Variants in CPE observed in about 807,000 individuals in gnomAD.
CPE encodes carbocypeptidase E.
A neutral mutation model predicts 53.5 loss-of-function variants in CPE; 17 were observed. The observed-to-expected ratio is 0.32, with a 90% confidence interval of 0.22 to 0.48. The LOEUF (loss-of-function observed/expected upper bound fraction) is 0.48, where lower values mean the gene tolerates loss of function less well. Among genes scored for constraint, CPE ranks in the 20% least tolerant of loss-of-function variants. The pLI, the probability that CPE is intolerant of heterozygous loss-of-function variation, is 0.99. For missense variants in CPE, 524 were observed against 614.7 expected (o/e 0.85, Z 1.56); for synonymous variants, 226 against 228.8 (o/e 0.99, Z 0.11).
At chr4:165,425,769 A>G (rs1430040413) in intron 1 of CPE, among the ~76,000 whole-genome samples, 2 of 152,092 alleles carry the variant, frequency 1.3e-5, no homozygotes, top group African/African-American at 4.8e-5. Flanking sequence ...GTCTGGAGAC[A>G]TTTTTGGTTG....
In CPE at chr4:165,386,375, C is replaced by T. The variant is rs755855624; in HGVS notation, c.307+6847C>T. Reference sequence around the variant, plus strand: ...TGAATGTCTAGTATTATGCTTGGGACATAGTGGCCACTCAGTGAATATGTT... The same window carrying T: ...TGAATGTCTAGTATTATGCTTGGGATATAGTGGCCACTCAGTGAATATGTT... On this transcript the variant is annotated intron_variant, in intron 1 of 8. Transcript: ENST00000402744. The T allele has an allele frequency of 7.1e-6, 3 of 422,230 alleles. No homozygotes were observed. The East Asian group carries it at 2.5e-4, about 35-fold the overall frequency. The allele number at this position is 422,230 out of a possible 1,614,324, so 26.2% of individuals were successfully genotyped here.
chr4:165,468,003 G>T, intron 3 of CPE, 148 bp downstream of exon 3: 1 of 913,156 alleles, frequency 1.1e-6, no homozygotes, highest in Admixed American at 2.9e-5. Flanking sequence ...TGGAAGGGCT[G>T]GTGCCATGAA....
rs772745040 is a variant in CPE at position 165,498,228 on chromosome 4, C to T, written c.*618C>T. The T allele has an allele frequency of 3.9e-5, 6 of 151,940 alleles. No homozygotes were observed. The highest frequency in any genetic ancestry group is 1.5e-4 in the African/African-American group (6 of 41,356). The allele number at this position is 151,940 out of a possible 1,614,324, so 9.4% of individuals were successfully genotyped here. A position where few individuals can be genotyped will look rare whatever the true frequency, so the allele number is the denominator to read the frequency against. ...AGCAATACTATTATATTATGTAGTC[C>T]GTTAACACTACTTAAAAGTTTAGGG... is the stretch of plus-strand genomic sequence containing the variant. On this transcript the variant is annotated 3_prime_UTR_variant, in exon 9 of 9. Transcript: ENST00000402744.
At chr4:165,400,005 C>G (rs1448233405) in intron 1 of CPE, among the ~76,000 whole-genome samples, 2 of 152,184 alleles carry the variant, frequency 1.3e-5, no homozygotes, top group African/African-American at 2.4e-5. Flanking sequence ...GTAGAGGAAG[C>G]AAAATCTTTA....
At chr4:165,428,072 C>G (rs1731351888) in intron 1 of CPE, among the ~76,000 whole-genome samples, 1 of 152,008 alleles carries the variant, frequency 6.6e-6, no homozygotes, top group Non-Finnish European at 1.5e-5. Context: ...CTCTGTCACC[C>G]AGTCTGCAGT....
chr4:165,424,662 T>C, intron 1 of CPE, among the ~76,000 whole-genome samples: 1 of 151,532 alleles, frequency 6.6e-6, no homozygotes. Flanking sequence ...GCCTCCCGAG[T>C]ACCTGGGATT....
chr4:165,494,950 A>C (rs1413132773), intron 7 of CPE, among the ~76,000 whole-genome samples: 1 of 152,232 alleles, frequency 6.6e-6, no homozygotes, highest in Non-Finnish European at 1.5e-5. Context: ...TCGCAACCTT[A>C]GCATTGCCCT....
In CPE at chr4:165,467,793, G is replaced by A. The variant is rs1386168807; in HGVS notation, c.610G>A (p.Glu204Lys). The A allele has an allele frequency of 2.5e-6, 4 of 1,613,674 alleles. No homozygotes were observed. Among genetic ancestry groups the A allele is most frequent in the Non-Finnish European group, 3.4e-6 (4 of 1,179,850 alleles). The change falls in exon 3 of 9, where the codon GAA becomes AAA. Residue 204 changes from glutamate to lysine, a missense_variant. Transcript: ENST00000402744. ...TAGGATAGTGTACGTGAATGAGAAA[G>A]AAGGTGGTCCAAATAATCATCTGTT... is the stretch of plus-strand genomic sequence containing the variant. The part of the protein sequence containing the change: ...LDRIVYVNEK[E>K]GGPNNHLLKN...
rs1730943500 is a variant in CPE at position 165,405,752 on chromosome 4, T to G, written c.307+26224T>G. 3.2e-6 allele frequency: 3 copies of G among 936,466 alleles called. No homozygotes were observed. The African/African-American group carries it at 4.9e-5, about 15-fold the overall frequency. 58.0% of individuals were successfully genotyped at this position (936,466 alleles called of 1,614,324 possible). A position where few individuals can be genotyped will look rare whatever the true frequency, so the allele number is the denominator to read the frequency against. ...TTCTTTGCCCTGTCTGCACGGATGT[T>G]TCTGCCAGTCAGCATCATGTCAAAA... On this transcript the variant is annotated intron_variant, in intron 1 of 8. Coordinates refer to ENST00000402744, the MANE Select transcript of CPE (RefSeq NM_001873.4).
intron 5 of CPE, among the ~76,000 whole-genome samples, chr4:165,487,148 T>A (rs1382017422): frequency 6.6e-6 from 1 of 152,168 alleles, no homozygotes; most frequent in Non-Finnish European, 1.5e-5. Flanking sequence ...TGTTGTCTTC[T>A]CCGAAGCCCA....
chr4:165,403,237 A>T (rs11732895), intron 1 of CPE, among the ~76,000 whole-genome samples: 1 of 152,208 alleles, frequency 6.6e-6, no homozygotes, highest in Non-Finnish European at 1.5e-5. Context: ...TGATGTGTGT[A>T]TCATAAAGGA....
intron 7 of CPE, among the ~76,000 whole-genome samples, chr4:165,495,033 C>T (rs950170602): frequency 6.6e-6 from 1 of 152,150 alleles, no homozygotes; most frequent in Non-Finnish European, 1.5e-5. Context: ...CAGGTTTGCA[C>T]CCAAGTTTGA....
chr4:165,413,296 C>T (rs932721940), intron 1 of CPE, among the ~76,000 whole-genome samples: 4 of 152,116 alleles, frequency 2.6e-5, no homozygotes, highest in Admixed American at 2.6e-4. Flanking sequence ...GGCCTGGAAA[C>T]CATGTGATGC....
At chr4:165,495,483 T>C in intron 7 of CPE, 76 bp from the exon 8 acceptor site, 1 of 949,562 alleles carries the variant, frequency 1.1e-6, no homozygotes, top group Non-Finnish European at 1.6e-6. Flanking sequence ...GGGTATTCCT[T>C]AGATGGCATA....
At chr4:165,443,034 C>A (rs1731641766) in intron 1 of CPE, among the ~76,000 whole-genome samples, 1 of 152,142 alleles carries the variant, frequency 6.6e-6, no homozygotes, top group Non-Finnish European at 1.5e-5. Context: ...TCAATAAACA[C>A]TTGTGTAATG....
intron 1 of CPE, chr4:165,386,396 A>G: frequency 1.2e-5 from 5 of 404,734 alleles, no homozygotes; most frequent in South Asian, 7.4e-5. Context: ...CTCAGTGAAT[A>G]TGTTTGAATA....
chr4:165,392,754 C>A (rs1033445377), intron 1 of CPE, among the ~76,000 whole-genome samples: 1 of 147,870 alleles, frequency 6.8e-6, no homozygotes, highest in Non-Finnish European at 1.5e-5. Flanking sequence ...GGGAAATCAG[C>A]CTCAAAGGAC....
At chr4:165,466,242 C>T (rs1056775773) in intron 2 of CPE, among the ~76,000 whole-genome samples, 4 of 152,100 alleles carry the variant, frequency 2.6e-5, no homozygotes, top group East Asian at 1.9e-4. Context: ...TAGGCAACTG[C>T]AACACACTAG....
At chr4:165,495,401 T>C (rs1478583345) in intron 7 of CPE, among the ~76,000 whole-genome samples, 158 bp from the exon 8 acceptor site, 5 of 152,200 alleles carry the variant, frequency 3.3e-5, no homozygotes, top group Non-Finnish European at 7.3e-5. Flanking sequence ...CCCTATTCAA[T>C]AAAATTTCAT....
Sources: allele counts gnomAD v4.1 joint callset (sites outside exome capture counted in the v4.1 genomes callset), GRCh38; gene constraint gnomAD v4.1.1; transcripts MANE v1.5; gene names NCBI Gene and HGNC (gene_info 2026-07-23, HGNC 2026-07-21).